The following MSL2 variants were observed in gnomAD, a reference collection of about 807,000 sequenced individuals.
The protein encoded by MSL2 is E3 ubiquitin-protein ligase MSL2.
Under a neutral mutation model 35.8 loss-of-function variants are expected in MSL2, and 2 were observed. The observed-to-expected ratio is 0.06, with a 90% CI of 0.02 to 0.18. The LOEUF (loss-of-function observed/expected upper bound fraction) is 0.18, where lower values mean the gene tolerates loss of function less well. Among genes scored for constraint, MSL2 ranks in the 10% least tolerant of loss-of-function variants. MSL2 has a pLI of 1.00. For synonymous variants in MSL2, 296 were observed against 255.7 expected (o/e 1.16, Z -1.50); for missense variants, 523 against 706.7 (o/e 0.74, Z 2.95).
intron 1 of MSL2, among the ~76,000 whole-genome samples, chr3:136,189,717 G>A (rs1470305582): frequency 8.1e-6 from 1 of 122,728 alleles, no homozygotes; most frequent in Non-Finnish European, 1.7e-5. Context: ...GCGAGACGCC[G>A]TCTCAAAAAA....
In MSL2 at chr3:136,195,596, G is replaced by A. The variant is rs1043461810; in HGVS notation, c.-483C>T. ...GGGCCTCTTACTCCATCCCAGTACAGGGCGCGGAGGCGGCGGCGACGGCAA... is the reference window on the plus strand; with the variant it reads ...GGGCCTCTTACTCCATCCCAGTACAAGGCGCGGAGGCGGCGGCGACGGCAA... On this transcript the variant is annotated 5_prime_UTR_variant, in exon 1 of 2. Coordinates refer to ENST00000309993, the MANE Select transcript of MSL2 (RefSeq NM_018133.4). The A allele has an allele frequency of 2.0e-6, 2 of 986,776 alleles. No homozygotes were observed. The highest frequency in any genetic ancestry group is 9.3e-5 in the South Asian group (2 of 21,462). 61.1% of individuals were successfully genotyped at this position (986,776 alleles called of 1,614,324 possible). A position where few individuals can be genotyped will look rare whatever the true frequency, so the allele number is the denominator to read the frequency against.
intron 1 of MSL2, 107 bp from the exon 2 acceptor site, chr3:136,152,845 A>C: frequency 2.0e-6 from 3 of 1,478,906 alleles, no homozygotes; most frequent in Non-Finnish European, 2.7e-6. Context: ...AGATGAATTA[A>C]ACTCACTAGA....
intron 1 of MSL2, among the ~76,000 whole-genome samples, chr3:136,166,936 T>C (rs1939870004): frequency 6.6e-6 from 1 of 152,194 alleles, no homozygotes; most frequent in Admixed American, 6.5e-5. Flanking sequence ...CCAAGTAAAT[T>C]ATGTCTTAAT....
intron 1 of MSL2, among the ~76,000 whole-genome samples, chr3:136,160,688 G>T (rs1424428372): frequency 6.7e-6 from 1 of 149,132 alleles, no homozygotes; most frequent in East Asian, 2.0e-4. Flanking sequence ...CAGCCTGGGA[G>T]ACACAGCAAG....
Position 136,152,494 on chromosome 3 carries a change from A to T in MSL2, c.387T>A (p.Ile129=). ...IIEAVDCSSD[I]LALLNDGSLF... ...ATGATCCATCATTAAGCAAAGCCAA[A>T]ATATCAGAAGAACAGTCAACTGCTT... is the stretch of plus-strand genomic sequence containing the variant. The change falls in exon 2 of 2, where the codon ATT becomes ATA. Residue 129 remains isoleucine, a synonymous_variant. Coordinates refer to ENST00000309993, the MANE Select transcript of MSL2 (RefSeq NM_018133.4). The T allele has an allele frequency of 6.2e-7, 1 of 1,614,192 alleles. No individual in the cohort carries two copies. The highest frequency in any genetic ancestry group is 8.5e-7 in the Non-Finnish European group (1 of 1,180,032).
intron 1 of MSL2, among the ~76,000 whole-genome samples, chr3:136,181,975 G>C (rs1455446474): frequency 6.6e-6 from 1 of 151,242 alleles, no homozygotes; most frequent in Non-Finnish European, 1.5e-5. Context: ...ACTTACGTGG[G>C]CTGAAGAAAA....
rs1939252396 is a variant in MSL2 at position 136,149,005 on chromosome 3, G to A, written c.*2142C>T. The A allele has an allele frequency of 6.6e-6, 1 of 151,730 alleles. No individual in the cohort carries two copies. Among genetic ancestry groups the A allele is most frequent in the Admixed American group, 6.6e-5 (1 of 15,178 alleles). 9.4% of individuals were successfully genotyped at this position (151,730 alleles called of 1,614,324 possible). The stretch of plus-strand genomic sequence containing the variant: ...GCAGTGAGAATACCAGCATAAAAAA[G>A]AGAAACTTGTGCTAAAAACAACCTG... On this transcript the variant is annotated 3_prime_UTR_variant, in exon 2 of 2. Coordinates refer to ENST00000309993, the MANE Select transcript of MSL2 (RefSeq NM_018133.4).
chr3:136,183,735 A>G (rs1940432630), intron 1 of MSL2, among the ~76,000 whole-genome samples: 1 of 152,246 alleles, frequency 6.6e-6, no homozygotes. Flanking sequence ...AAATACATGC[A>G]GCAAAAACTT....
chr3:136,189,205 T>C (rs4364121), intron 1 of MSL2, among the ~76,000 whole-genome samples: 1 of 129,464 alleles, frequency 7.7e-6, no homozygotes. Context: ...AAGGCTGAGG[T>C]GGGAGGACAG....
rs2108056506 is a variant in MSL2 at position 136,151,245 on chromosome 3, T to C, written c.1636A>G (p.Ile546Val). The C allele has an allele frequency of 6.2e-7, 1 of 1,614,238 alleles. No individual in the cohort carries two copies. The highest frequency in any genetic ancestry group is 8.5e-7 in the Non-Finnish European group (1 of 1,180,032). Residue 546 changes from isoleucine to valine, a missense_variant, in exon 2 of 2, where the codon ATA becomes GTA. Coordinates refer to ENST00000309993, the MANE Select transcript of MSL2 (RefSeq NM_018133.4). The surrounding 1 kb of genome is among the most constrained non-coding windows in gnomAD (Gnocchi z 5.2). ...GTTACTGGGGACCCTGTGACATTTATTACACTGGTGCTGGTACTAGCGTTA... is the reference window on the plus strand; with the variant it reads ...GTTACTGGGGACCCTGTGACATTTACTACACTGGTGCTGGTACTAGCGTTA... ...VRNASTSTSVINVTGSPVTTF... is the reference protein window; with the variant it reads ...VRNASTSTSVVNVTGSPVTTF...
chr3:136,161,489 A>T (rs1470766335), intron 1 of MSL2, among the ~76,000 whole-genome samples: 1 of 152,244 alleles, frequency 6.6e-6, no homozygotes, highest in East Asian at 1.9e-4. Context: ...TGGTGAGTAG[A>T]TAAACAAAAT....
At position 136,151,063 on chromosome 3, in the gene MSL2, C is replaced by CGG. The variant is rs537357571; in HGVS notation, c.*82_*83dup. 275 of 1,444,480 alleles carry CGG rather than the reference C, an allele frequency of 1.9e-4. 3 individuals carry two copies. In the South Asian group the frequency reaches 3.3e-3, roughly 17 times the overall value. The allele number at this position is 1,444,480 out of a possible 1,614,324, so 89.5% of individuals were successfully genotyped here. On this transcript the variant is annotated 3_prime_UTR_variant, in exon 2 of 2. Transcript: ENST00000309993. The surrounding 1 kb of genome is among the most constrained non-coding windows in gnomAD (Gnocchi z 5.2). ...ACAAGTGATCTATATGCAGGAGCTC[C>CGG]GGCAAGTTAAACCAACAGAACCATA... is the stretch of plus-strand genomic sequence containing the variant.
intron 1 of MSL2, among the ~76,000 whole-genome samples, chr3:136,165,105 C>T (rs542616641): frequency 6.6e-6 from 1 of 151,694 alleles, no homozygotes. Flanking sequence ...GAACTGCTGG[C>T]GCTCAGGTGA....
chr3:136,195,768 G>A lies in MSL2; in HGVS notation c.-655C>T, dbSNP rs1047692547. On this transcript the variant is annotated 5_prime_UTR_variant, in exon 1 of 2. Coordinates refer to ENST00000309993, the MANE Select transcript of MSL2 (RefSeq NM_018133.4). ...CTGCGCCCTGGCTCTCCGCCCCGTG[G>A]GTTGCAGCCCGCAGTTCCCCGAGGT... 2.5e-5 allele frequency: 25 copies of A among 985,010 alleles called. 1 individual carries two copies. The highest frequency in any genetic ancestry group is 9.4e-5 in the South Asian group (2 of 21,286). The allele number at this position is 985,010 out of a possible 1,614,324, so 61.0% of individuals were successfully genotyped here. A position where few individuals can be genotyped will look rare whatever the true frequency, so the allele number is the denominator to read the frequency against.
At chr3:136,194,125 T>G (rs1940766379) in intron 1 of MSL2, among the ~76,000 whole-genome samples, 1 of 152,262 alleles carries the variant, frequency 6.6e-6, no homozygotes, top group Non-Finnish European at 1.5e-5. Flanking sequence ...TGCATATTAC[T>G]GCTTTGGCAG....
intron 1 of MSL2, among the ~76,000 whole-genome samples, chr3:136,153,427 A>T (rs1019358781): frequency 2.0e-5 from 3 of 152,216 alleles, no homozygotes; most frequent in African/African-American, 7.2e-5. Flanking sequence ...TTCACAGAAA[A>T]AAAAATTTTT....
intron 1 of MSL2, among the ~76,000 whole-genome samples, chr3:136,165,528 CTG>C (rs1326832282): frequency 5.3e-5 from 8 of 152,138 alleles, no homozygotes; most frequent in South Asian, 2.1e-4. Context: ...GAAAATATAA[CTG>C]TTGATAATTA....
chr3:136,161,299 T>G (rs1244111427), intron 1 of MSL2, among the ~76,000 whole-genome samples: 2 of 152,152 alleles, frequency 1.3e-5, no homozygotes, highest in African/African-American at 4.8e-5. Context: ...TGAAATACAG[T>G]TTGGTAGTTT....
chr3:136,194,846 G>T, intron 1 of MSL2, 126 bp downstream of exon 1: 1 of 1,433,036 alleles, frequency 7.0e-7, no homozygotes, highest in Non-Finnish European at 9.5e-7. Context: ...ACTAATGACC[G>T]TACAGCGCTG....
Sources: allele counts gnomAD v4.1 joint callset (sites outside exome capture counted in the v4.1 genomes callset), GRCh38; gene constraint gnomAD v4.1.1; non-coding constraint Gnocchi (gnomAD v3.1); transcripts MANE v1.5; gene names NCBI Gene and HGNC (gene_info 2026-07-23, HGNC 2026-07-21).